Variants in HS3ST5 observed in about 807,000 individuals in gnomAD.
The protein encoded by HS3ST5 is heparan sulfate glucosamine 3-O-sulfotransferase 5.
In HS3ST5, 10 loss-of-function variants were observed where a neutral mutation model predicts 25.4. That is an observed-to-expected ratio of 0.39 (90% CI 0.24 to 0.67). HS3ST5 has a LOEUF of 0.67. HS3ST5 is among the 30% of genes least tolerant of loss of function. HS3ST5 has a pLI of 0.44. For synonymous variants in HS3ST5, 170 were observed against 162.4 expected, an observed-to-expected ratio of 1.05 and a Z score of -0.36; for missense variants, 324 against 420.7, an observed-to-expected ratio of 0.77 and a Z score of 2.01.
intron 1 of HS3ST5, among the ~76,000 whole-genome samples, chr6:114,341,222 G>GGGGAGAGAGGGGGGGAGAGAGAGA (rs1776839835): frequency 6.4e-5 from 3 of 46,600 alleles, no homozygotes; most frequent in African/African-American, 3.7e-4. Flanking sequence ...GGAGAGAGGG[G>GGGGAGAGAGGGGGGGAGAGAGAGA]GAGAGAGAGA....
chr6:114,220,561 C>A (rs1449970733), intron 2 of HS3ST5: 1 of 151,858 alleles, frequency 6.6e-6, no homozygotes, highest in Non-Finnish European at 1.5e-5. Flanking sequence ...GTATTTTCTT[C>A]TTTCATAATT....
At chr6:114,236,696 T>G (rs1225397751) in intron 1 of HS3ST5, among the ~76,000 whole-genome samples, 2 of 152,222 alleles carry the variant, frequency 1.3e-5, no homozygotes, top group African/African-American at 4.8e-5. Flanking sequence ...TCGTTTTCAT[T>G]TATTTCTGGT....
intron 1 of HS3ST5, among the ~76,000 whole-genome samples, chr6:114,326,180 G>T (rs565764411): frequency 6.6e-6 from 1 of 152,134 alleles, no homozygotes; most frequent in Non-Finnish European, 1.5e-5. Flanking sequence ...CCTGAGCTCA[G>T]GAGTTCCAGA....
At chr6:114,119,955 G>A (rs1378489242) in intron 3 of HS3ST5, among the ~76,000 whole-genome samples, 1 of 152,082 alleles carries the variant, frequency 6.6e-6, no homozygotes, top group Non-Finnish European at 1.5e-5. Context: ...GACCGGCCTG[G>A]CCAACGTGAT....
At chr6:114,099,371 C>T (rs1030671044) in intron 3 of HS3ST5, among the ~76,000 whole-genome samples, 4 of 152,148 alleles carry the variant, frequency 2.6e-5, no homozygotes, top group Non-Finnish European at 5.9e-5. Flanking sequence ...GTTTTTGTTA[C>T]AGATTCCTAA....
At chr6:114,093,444 T>C (rs946545403) in intron 3 of HS3ST5, among the ~76,000 whole-genome samples, 4 of 151,468 alleles carry the variant, frequency 2.6e-5, no homozygotes, top group Non-Finnish European at 5.9e-5. Flanking sequence ...CCACCCTTGA[T>C]ATTTACATTT....
intron 2 of HS3ST5, among the ~76,000 whole-genome samples, chr6:114,187,279 T>C (rs1780268292): frequency 6.6e-6 from 1 of 152,212 alleles, no homozygotes; most frequent in African/African-American, 2.4e-5. Flanking sequence ...CAAAATAAAT[T>C]AGAAATCTTC....
intron 3 of HS3ST5, among the ~76,000 whole-genome samples, chr6:114,141,550 T>A (rs1400396916): frequency 9.9e-5 from 15 of 152,174 alleles, no homozygotes; most frequent in Non-Finnish European, 1.8e-4. Context: ...AGTTTGTGAG[T>A]GAGAGCTAAG....
intron 2 of HS3ST5, among the ~76,000 whole-genome samples, chr6:114,210,190 T>C (rs1269450512): frequency 2.0e-5 from 3 of 152,168 alleles, no homozygotes; most frequent in Non-Finnish European, 4.4e-5. Flanking sequence ...GAAATAAAAA[T>C]TCCATATGAG....
At chr6:114,240,775 G>A (rs904784793) in intron 1 of HS3ST5, among the ~76,000 whole-genome samples, 6 of 152,136 alleles carry the variant, frequency 3.9e-5, no homozygotes, top group African/African-American at 1.4e-4. Flanking sequence ...TTAAAATTCA[G>A]TATGCTGCTT....
chr6:114,221,762 A>G (rs1332499896), intron 2 of HS3ST5, among the ~76,000 whole-genome samples: 3 of 151,786 alleles, frequency 2.0e-5, no homozygotes, highest in Admixed American at 2.0e-4. Context: ...AAAAGTTAAC[A>G]TACTCTTAGC....
At chr6:114,257,263 G>A (rs1397310247) in intron 1 of HS3ST5, among the ~76,000 whole-genome samples, 1 of 152,156 alleles carries the variant, frequency 6.6e-6, no homozygotes, top group South Asian at 2.1e-4. Context: ...GCATAGCCCA[G>A]GTTTTTAACG....
intron 3 of HS3ST5, among the ~76,000 whole-genome samples, chr6:114,089,397 T>A (rs35680201): frequency 0.24 from 37,187 of 152,064 alleles, 4,634 homozygotes; most frequent in African/African-American, 0.27. Flanking sequence ...AGTATATATG[T>A]GTTTTCAATA....
At chr6:114,214,445 C>T (rs1434009894) in intron 2 of HS3ST5, among the ~76,000 whole-genome samples, 2 of 152,156 alleles carry the variant, frequency 1.3e-5, no homozygotes, top group East Asian at 3.8e-4. Context: ...ATGACCTTGA[C>T]AACTTTTTAA....
intron 3 of HS3ST5, among the ~76,000 whole-genome samples, chr6:114,147,365 A>C (rs555132255): frequency 1.3e-5 from 2 of 152,264 alleles, no homozygotes; most frequent in Non-Finnish European, 2.9e-5. Context: ...GATGTGTGCA[A>C]CTTCCACATC....
At chr6:114,230,925 T>A (rs1771559762) in intron 1 of HS3ST5, among the ~76,000 whole-genome samples, 1 of 152,046 alleles carries the variant, frequency 6.6e-6, no homozygotes, top group Non-Finnish European at 1.5e-5. Flanking sequence ...TCTCATTGGA[T>A]CCCTATTCTT....
chr6:114,254,152 C>T (rs1449895443), intron 1 of HS3ST5, among the ~76,000 whole-genome samples: 4 of 152,136 alleles, frequency 2.6e-5, no homozygotes, highest in African/African-American at 7.2e-5. Context: ...CAGGATGAAG[C>T]GCACTGCAGT....
intron 3 of HS3ST5, among the ~76,000 whole-genome samples, chr6:114,103,923 G>A (rs932524897): frequency 5.5e-5 from 8 of 145,896 alleles, no homozygotes; most frequent in Non-Finnish European, 1.0e-4. Flanking sequence ...GGATGGTCTC[G>A]ATCTCCTGAC....
At chr6:114,308,019 T>C (rs984359217) in intron 1 of HS3ST5, among the ~76,000 whole-genome samples, 2 of 152,102 alleles carry the variant, frequency 1.3e-5, no homozygotes, top group African/African-American at 4.8e-5. Flanking sequence ...AACAATATAT[T>C]AATTTGGAAA....
Sources: gnomAD v4.1 joint callset for allele counts (sites outside exome capture counted in the v4.1 genomes callset) on GRCh38, gnomAD v4.1.1 for gene constraint, MANE v1.5 for transcripts, NCBI Gene and HGNC (gene_info 2026-07-23, HGNC 2026-07-21) for gene names.